EMP2: variants seen among roughly 807,000 people sequenced by gnomAD.
The protein encoded by EMP2 is epithelial membrane protein 2.
EMP2 carries 19 observed loss-of-function variants against 13.7 expected under a neutral mutation model. The ratio of observed to expected loss-of-function variants is 1.38; its 90% CI spans 0.97 to 2.03. EMP2 has a LOEUF of 2.03. Ranked by LOEUF, EMP2 falls within the 30% of genes most tolerant of loss-of-function variation. The probability of loss-of-function intolerance (pLI) is 0.00; values close to 1 mark genes in which losing one functional copy is unlikely to be tolerated. For missense variants in EMP2, 253 were observed against 220.7 expected, an observed-to-expected ratio of 1.15 and a Z score of -0.93; for synonymous variants, 97 against 84.7, an observed-to-expected ratio of 1.15 and a Z score of -0.80.
rs2089186 is a variant in EMP2 at position 10,543,694 on chromosome 16, G to A, written c.79-34C>T. The A allele has an allele frequency of 1.7e-3, 2,744 of 1,600,890 alleles. 49 individuals carry two copies. The African/African-American group carries it at 0.031, about 18-fold the overall frequency. On this transcript the variant is annotated intron_variant, in intron 2 of 4. Coordinates refer to ENST00000359543, the MANE Select transcript of EMP2 (RefSeq NM_001424.6). ...CAAAATGGAAATAGAGAGAAAGGCC[G>A]TCCGTTCATGATGCAAACACTGACT...
intron 1 of EMP2, among the ~76,000 whole-genome samples, chr16:10,551,389 A>G (rs939729815): frequency 6.6e-6 from 1 of 152,128 alleles, no homozygotes; most frequent in Non-Finnish European, 1.5e-5. Flanking sequence ...GCATTCACTG[A>G]TATTTCTGAA....
At position 10,579,707 on chromosome 16, in the gene EMP2, T is replaced by C. The variant is rs1320575627; in HGVS notation, c.-61+842A>G. On this transcript the variant is annotated intron_variant, in intron 1 of 4. Coordinates refer to ENST00000359543, the MANE Select transcript of EMP2 (RefSeq NM_001424.6). ...ACACAGCTGAATTATAAGATCAAGG[T>C]GCACACACACACACACACACACACA... 1.9e-4 allele frequency among the ~76,000 whole-genome samples: 8 copies of C among 42,910 alleles called. No homozygotes were observed. The East Asian group carries it at 6.5e-3, about 35-fold the overall frequency. The allele number at this position is 42,910 out of a possible 152,430, so 28.2% of individuals were successfully genotyped here. A position where few individuals can be genotyped will look rare whatever the true frequency, so the allele number is the denominator to read the frequency against.
rs149036212 is a variant in EMP2 at position 10,551,409 on chromosome 16, T to C, written c.-60-3732A>G. Among the ~76,000 whole-genome samples, 484 of 152,272 alleles carry C rather than the reference T, an allele frequency of 3.2e-3. 1 individual carries two copies. Among genetic ancestry groups the C allele is most frequent in the African/African-American group, 0.01 (428 of 41,540 alleles). On this transcript the variant is annotated intron_variant, in intron 1 of 4. Transcript: ENST00000359543. ...CACTGATATTTCTGAAATAGGATTTTCGTTTGTTTGTTTTTGAGACAGAGT... is the reference window on the plus strand; with the variant it reads ...CACTGATATTTCTGAAATAGGATTTCCGTTTGTTTGTTTTTGAGACAGAGT...
intron 1 of EMP2, among the ~76,000 whole-genome samples, chr16:10,567,582 A>C (rs1305019808): frequency 1.3e-5 from 2 of 152,180 alleles, no homozygotes; most frequent in Admixed American, 6.5e-5. Context: ...CAGGAAGCTC[A>C]AGGTAAGGCC....
At chr16:10,553,472 G>T (rs553134103) in intron 1 of EMP2, among the ~76,000 whole-genome samples, 2 of 152,304 alleles carry the variant, frequency 1.3e-5, no homozygotes, top group African/African-American at 2.4e-5. Context: ...CCCCGGTGCA[G>T]TGCTTTGCCC....
At chr16:10,566,849 G>C (rs1034737147) in intron 1 of EMP2, among the ~76,000 whole-genome samples, 4 of 151,998 alleles carry the variant, frequency 2.6e-5, no homozygotes, top group Admixed American at 2.0e-4. Context: ...CCCTCACAGA[G>C]AGCTAAAAAA....
In EMP2 at chr16:10,532,710, C is replaced by T; in HGVS notation, c.*195G>A. 2.3e-6 allele frequency: 1 copy of T among 433,476 alleles called. No homozygotes were observed. Among genetic ancestry groups the T allele is most frequent in the Non-Finnish European group, 3.5e-6 (1 of 284,324 alleles). The allele number at this position is 433,476 out of a possible 1,614,324, so 26.9% of individuals were successfully genotyped here. The stretch of plus-strand genomic sequence containing the variant: ...GCCTTCATAGTCTATTCTCTGATCT[C>T]AAGAATGCAAAAACTCTTCTCTCTT... On this transcript the variant is annotated 3_prime_UTR_variant, in exon 5 of 5. Coordinates refer to ENST00000359543, the MANE Select transcript of EMP2 (RefSeq NM_001424.6).
At chr16:10,565,785 T>G (rs1037199641) in intron 1 of EMP2, among the ~76,000 whole-genome samples, 3 of 152,196 alleles carry the variant, frequency 2.0e-5, no homozygotes, top group African/African-American at 7.2e-5. Flanking sequence ...CCCATTCCGA[T>G]GCACTTGGAA....
chr16:10,560,780 T>A (rs1184804610), intron 1 of EMP2, among the ~76,000 whole-genome samples: 1 of 151,902 alleles, frequency 6.6e-6, no homozygotes, highest in Non-Finnish European at 1.5e-5. Flanking sequence ...GGAGAGGGTG[T>A]CACAGGCAAG....
At chr16:10,563,160 C>T (rs1012474068) in intron 1 of EMP2, among the ~76,000 whole-genome samples, 1 of 151,188 alleles carries the variant, frequency 6.6e-6, no homozygotes, top group African/African-American at 2.5e-5. Context: ...CCATCAGTCA[C>T]TCTTGGTTTA....
intron 1 of EMP2, among the ~76,000 whole-genome samples, chr16:10,558,706 C>T (rs917459340): frequency 2.0e-5 from 3 of 152,040 alleles, no homozygotes; most frequent in Admixed American, 6.6e-5. Context: ...ATAATAACCA[C>T]GAATCTCCAC....
intron 3 of EMP2, among the ~76,000 whole-genome samples, chr16:10,541,168 C>T (rs1314069503): frequency 6.6e-6 from 1 of 151,866 alleles, no homozygotes; most frequent in Non-Finnish European, 1.5e-5. Context: ...TTTGGGAGGC[C>T]AAGGTGGGAG....
At chr16:10,535,399 C>A (rs2050639113) in intron 4 of EMP2, among the ~76,000 whole-genome samples, 1 of 151,970 alleles carries the variant, frequency 6.6e-6, no homozygotes, top group African/African-American at 2.4e-5. Context: ...TTTGACTAAG[C>A]AGGCTTACAG....
Position 10,547,676 on chromosome 16 carries a change from T to G in EMP2, c.-59A>C, listed in dbSNP as rs1349879172. Reference sequence around the variant, plus strand: ...CACGTTTAAAGCCCAGAGCGGGATGTGCTGAAGAGGGTAAGAAAGAGAAAT... The same window carrying G: ...CACGTTTAAAGCCCAGAGCGGGATGGGCTGAAGAGGGTAAGAAAGAGAAAT... On this transcript the variant is annotated splice_region_variant and 5_prime_UTR_variant, in exon 2 of 5. Coordinates refer to ENST00000359543, the MANE Select transcript of EMP2 (RefSeq NM_001424.6). The G allele has an allele frequency of 6.5e-7, 1 of 1,539,750 alleles. No homozygotes were observed. Among genetic ancestry groups the G allele is most frequent in the African/African-American group, 1.4e-5 (1 of 72,984 alleles).
At chr16:10,558,133 G>A (rs988059088) in intron 1 of EMP2, among the ~76,000 whole-genome samples, 5 of 151,744 alleles carry the variant, frequency 3.3e-5, no homozygotes, top group African/African-American at 4.8e-5. Flanking sequence ...GGGCTCAAGC[G>A]ATCCTCCTGC....
At position 10,538,121 on chromosome 16, in the gene EMP2, G is replaced by A. The variant is rs371516550; in HGVS notation, c.170-47C>T. On this transcript the variant is annotated intron_variant, in intron 3 of 4. Transcript: ENST00000359543. Reference sequence around the variant, plus strand: ...GCAGGACTGAGGACCTTGGCCAGCCGGCACTGTGGGGTACACAGCGACCGC... The same window carrying A: ...GCAGGACTGAGGACCTTGGCCAGCCAGCACTGTGGGGTACACAGCGACCGC... 352 of 1,602,164 alleles carry A rather than the reference G, an allele frequency of 2.2e-4. 1 individual carries two copies. Among genetic ancestry groups the A allele is most frequent in the Admixed American group, 4.0e-4 (24 of 59,536 alleles).
chr16:10,530,879 T>C lies in EMP2; in HGVS notation c.*2026A>G, dbSNP rs1282669880. On this transcript the variant is annotated 3_prime_UTR_variant, in exon 5 of 5. Transcript: ENST00000359543. ...CATCTGCACGAACTGAATGGAGCTATATTTAGACTGATCTAAATACCTAAA... is the reference window on the plus strand; with the variant it reads ...CATCTGCACGAACTGAATGGAGCTACATTTAGACTGATCTAAATACCTAAA... The C allele has an allele frequency of 1.3e-5, 2 of 152,222 alleles. No homozygotes were observed. Among genetic ancestry groups the C allele is most frequent in the Admixed American group, 6.5e-5 (1 of 15,272 alleles). 9.4% of individuals were successfully genotyped at this position (152,222 alleles called of 1,614,324 possible).
intron 2 of EMP2, chr16:10,544,240 C>G (rs1423052705): frequency 3.2e-5 from 5 of 154,366 alleles, no homozygotes; most frequent in Non-Finnish European, 5.8e-5. Flanking sequence ...GAGTGCGATG[C>G]ATGATCTTGG....
chr16:10,536,553 C>T lies in EMP2; in HGVS notation c.316+1375G>A, dbSNP rs113717720. On this transcript the variant is annotated intron_variant, in intron 4 of 4. Transcript: ENST00000359543. Reference sequence around the variant, plus strand: ...GCCCTTTTGTTCTTCCTTTGTCTTCCGCCATGACTGTGAGGCCTCCCCAGC... The same window carrying T: ...GCCCTTTTGTTCTTCCTTTGTCTTCTGCCATGACTGTGAGGCCTCCCCAGC... Among the ~76,000 whole-genome samples, 647 of 152,302 alleles carry T rather than the reference C, an allele frequency of 4.2e-3. 1 individual carries two copies. Among genetic ancestry groups the T allele is most frequent in the African/African-American group, 0.015 (604 of 41,558 alleles).
Sources: gnomAD v4.1 joint callset for allele counts (sites outside exome capture counted in the v4.1 genomes callset) on GRCh38, gnomAD v4.1.1 for gene constraint, MANE v1.5 for transcripts, NCBI Gene and HGNC (gene_info 2026-07-23, HGNC 2026-07-21) for gene names.